Variants in HFM1 observed in about 807,000 individuals in gnomAD.
HFM1 encodes helicase for meiosis 1.
HFM1 carries 169 observed loss-of-function variants against 192.1 expected under a neutral mutation model. The ratio of observed to expected loss-of-function variants is 0.88; its 90% CI spans 0.78 to 1.00. The LOEUF (loss-of-function observed/expected upper bound fraction) is 1.00, where lower values mean the gene tolerates loss of function less well. Ranked by LOEUF, HFM1 falls within the 50% of genes least tolerant of loss-of-function variation. HFM1 has a pLI of 0.00. For synonymous variants in HFM1, 525 were observed against 537.8 expected, an observed-to-expected ratio of 0.98 and a Z score of 0.33; for missense variants, 1,661 against 1,668.0, an observed-to-expected ratio of 1.00 and a Z score of 0.07.
At chr1:91,267,110 G>C (rs1665842419) in intron 35 of HFM1, among the ~76,000 whole-genome samples, 1 of 152,142 alleles carries the variant, frequency 6.6e-6, no homozygotes, top group South Asian at 2.1e-4. Flanking sequence ...TTGCTATCTT[G>C]TCACATACTG....
chr1:91,276,918 T>C, intron 31 of HFM1, 64 bp downstream of exon 31: 1 of 970,346 alleles, frequency 1.0e-6, no homozygotes, highest in South Asian at 1.6e-5. Flanking sequence ...TAGGATGTCA[T>C]TACTATCCAC....
intron 1 of HFM1, among the ~76,000 whole-genome samples, chr1:91,404,098 A>G (rs1664599012): frequency 6.6e-6 from 1 of 152,222 alleles, no homozygotes; most frequent in Admixed American, 6.5e-5. Flanking sequence ...AGAGAATCTG[A>G]CAAAGAAGGA....
chr1:91,348,816 C>G (rs575457303), intron 18 of HFM1, among the ~76,000 whole-genome samples: 49 of 152,022 alleles, frequency 3.2e-4, no homozygotes, highest in Admixed American at 7.9e-4. Context: ...ACCAGCTACT[C>G]TGGTGGCTGA....
intron 30 of HFM1, among the ~76,000 whole-genome samples, chr1:91,295,082 A>G (rs1647314355): frequency 6.6e-6 from 1 of 152,160 alleles, no homozygotes; most frequent in Non-Finnish European, 1.5e-5. Flanking sequence ...TGATACAGCA[A>G]TATCTCATTG....
chr1:91,398,174 A>G (rs1663898141), intron 2 of HFM1, among the ~76,000 whole-genome samples: 1 of 152,206 alleles, frequency 6.6e-6, no homozygotes, highest in African/African-American at 2.4e-5. Flanking sequence ...TTTTCTACAC[A>G]AGGACTATTT....
At chr1:91,288,799 T>C (rs1668331823) in intron 30 of HFM1, among the ~76,000 whole-genome samples, 2 of 152,212 alleles carry the variant, frequency 1.3e-5, no homozygotes. Flanking sequence ...ACAGTAACAA[T>C]CTGATCTCTC....
At chr1:91,348,770 A>T (rs1656494265) in intron 18 of HFM1, among the ~76,000 whole-genome samples, 1 of 151,442 alleles carries the variant, frequency 6.6e-6, no homozygotes, top group African/African-American at 2.4e-5. Flanking sequence ...TTTTTTTTTC[A>T]AAAGTTAGCC....
intron 13 of HFM1, among the ~76,000 whole-genome samples, chr1:91,369,394 ACTGT>A (rs971361123): frequency 1.1e-3 from 163 of 152,278 alleles, no homozygotes; most frequent in African/African-American, 3.8e-3. Flanking sequence ...ATTATAACAA[ACTGT>A]CTCTCAGACC....
chr1:91,333,472 G>A (rs1654114369), intron 20 of HFM1, among the ~76,000 whole-genome samples: 1 of 151,912 alleles, frequency 6.6e-6, no homozygotes, highest in African/African-American at 2.4e-5. Flanking sequence ...GTGGGAGGGT[G>A]GAGGGGAGTT....
chr1:91,274,666 G>T, intron 33 of HFM1, 64 bp downstream of exon 33: 1 of 791,498 alleles, frequency 1.3e-6, no homozygotes, highest in African/African-American at 1.7e-5. Context: ...TGAATAAGTG[G>T]TTACCTGCAG....
chr1:91,289,424 G>C (rs537164734), intron 30 of HFM1, among the ~76,000 whole-genome samples: 1 of 152,220 alleles, frequency 6.6e-6, no homozygotes, highest in Admixed American at 6.5e-5. Flanking sequence ...ACGATGGGCG[G>C]CCAGGCAGAG....
At position 91,296,907 on chromosome 1, in the gene HFM1, C is replaced by T. The variant is rs188858872; in HGVS notation, c.3391+16442G>A. Reference sequence around the variant, plus strand: ...GATTTCTGCATTTCTAACTGAGGTACCGGGTTCATCTCACTGGGGAATGTC... The same window carrying T: ...GATTTCTGCATTTCTAACTGAGGTATCGGGTTCATCTCACTGGGGAATGTC... On this transcript the variant is annotated intron_variant, in intron 30 of 38. Transcript: ENST00000370425. 3.3e-5 allele frequency among the ~76,000 whole-genome samples: 5 copies of T among 152,268 alleles called. No individual in the cohort carries two copies. In the East Asian group the frequency reaches 9.7e-4, roughly 29 times the overall value.
chr1:91,377,460 C>T (rs1661038492), intron 11 of HFM1: 1 of 151,852 alleles, frequency 6.6e-6, no homozygotes, highest in Non-Finnish European at 1.5e-5. Flanking sequence ...AAGACGTTTA[C>T]TTAAAAATTG....
intron 20 of HFM1, among the ~76,000 whole-genome samples, chr1:91,330,363 T>TA (rs1332979436): frequency 6.6e-6 from 1 of 152,138 alleles, no homozygotes; most frequent in East Asian, 1.9e-4. Context: ...CATTAGTGGC[T>TA]ACTAGCAGCA....
intron 30 of HFM1, among the ~76,000 whole-genome samples, chr1:91,295,606 T>C (rs1018505804): frequency 1.3e-5 from 2 of 152,210 alleles, no homozygotes; most frequent in African/African-American, 4.8e-5. Context: ...AGCATATTTA[T>C]TTGGGGGTAA....
chr1:91,319,158 T>A lies in HFM1; in HGVS notation c.2732A>T (p.Asn911Ile), dbSNP rs772248526. 1.9e-6 allele frequency: 3 copies of A among 1,610,926 alleles called. No homozygotes were observed. In the African/African-American group the frequency reaches 4.0e-5, roughly 22 times the overall value. ...AQEKKFAVLL[N>I]SLILAKCFRC... ...AAAACATTTAGCTAAAATCAAACTA[T>A]TCAATAGTACAGCAAACTTCTTTTC... The change falls in exon 25 of 39, where the codon AAT (asparagine) becomes ATT (isoleucine). Residue 911 changes from asparagine (N) to isoleucine (I), a missense_variant. Transcript: ENST00000370425.
At chr1:91,302,014 T>A (rs1417050186) in intron 30 of HFM1, among the ~76,000 whole-genome samples, 1 of 91,586 alleles carries the variant, frequency 1.1e-5, no homozygotes, top group Non-Finnish European at 2.2e-5. Flanking sequence ...GGGAGAAAAT[T>A]TTTGCAATCT....
At chr1:91,270,880 C>T (rs281967) in intron 34 of HFM1, among the ~76,000 whole-genome samples, 152,114 of 152,296 alleles carry the variant, frequency 1, 75,966 homozygotes, top group Non-Finnish European at 1. Context: ...TATAAGGAAG[C>T]GATGAGCATA....
chr1:91,353,960 C>T (rs1046962386), intron 13 of HFM1, among the ~76,000 whole-genome samples: 1 of 143,996 alleles, frequency 6.9e-6, no homozygotes, highest in African/African-American at 2.5e-5. Context: ...CCAGGAAATA[C>T]ACCACCAACA....
Sources: allele counts gnomAD v4.1 joint callset (sites outside exome capture counted in the v4.1 genomes callset), GRCh38; gene constraint gnomAD v4.1.1; transcripts MANE v1.5; gene names NCBI Gene and HGNC (gene_info 2026-07-23, HGNC 2026-07-21).